Variants in SPHKAP observed in about 807,000 individuals in gnomAD.
SPHKAP encodes A-kinase anchor protein SPHKAP.
In SPHKAP, 67 loss-of-function variants were observed where a neutral mutation model predicts 137.5. That is an observed-to-expected ratio of 0.49 (90% CI 0.40 to 0.60). The LOEUF (loss-of-function observed/expected upper bound fraction) is 0.60, where lower values mean the gene tolerates loss of function less well. SPHKAP is among the 20% of genes least tolerant of loss of function. SPHKAP has a pLI of 0.00. For missense variants in SPHKAP, 2,097 were observed against 2,069.3 expected, an observed-to-expected ratio of 1.01 and a Z score of -0.26; for synonymous variants, 813 against 785.3, an observed-to-expected ratio of 1.04 and a Z score of -0.59.
At chr2:228,168,969 A>G (rs952502777) in intron 1 of SPHKAP, among the ~76,000 whole-genome samples, 1 of 152,220 alleles carries the variant, frequency 6.6e-6, no homozygotes, top group African/African-American at 2.4e-5. Flanking sequence ...TTCTGGACAT[A>G]CAATCAAGCC....
chr2:228,026,372 G>A (rs1695035383), intron 4 of SPHKAP, among the ~76,000 whole-genome samples: 1 of 152,128 alleles, frequency 6.6e-6, no homozygotes, highest in Non-Finnish European at 1.5e-5. Context: ...CTATGCTAGA[G>A]CCTGTATATA....
chr2:228,152,701 G>C (rs1699972573), intron 1 of SPHKAP, among the ~76,000 whole-genome samples: 1 of 146,074 alleles, frequency 6.8e-6, no homozygotes, highest in South Asian at 2.2e-4. Context: ...TTTTGGCCTA[G>C]TGTGGAAGTT....
chr2:228,026,828 C>A (rs2106229294), intron 4 of SPHKAP, among the ~76,000 whole-genome samples: 1 of 152,308 alleles, frequency 6.6e-6, no homozygotes, highest in Non-Finnish European at 1.5e-5. Flanking sequence ...CGAGTAATTG[C>A]AGGTCTACTG....
chr2:228,130,677 T>C (rs1699221813), intron 2 of SPHKAP, among the ~76,000 whole-genome samples: 1 of 152,186 alleles, frequency 6.6e-6, no homozygotes, highest in Non-Finnish European at 1.5e-5. Flanking sequence ...CATTTATAAT[T>C]TGGAGTTATA....
Position 228,018,553 on chromosome 2 carries a change from T to A in SPHKAP, c.2301A>T (p.Glu767Asp), listed in dbSNP as rs1368336801. Residue 767 changes from glutamate to aspartate, a missense_variant, in exon 7 of 12, where the codon GAA becomes GAT. Coordinates refer to ENST00000392056, the MANE Select transcript of SPHKAP (RefSeq NM_001142644.2). ...GASQAWTKAT[E>D]SSSSSPLSNS... The stretch of plus-strand genomic sequence containing the variant: ...TGCTAAGTGGAGAGCTGCTGGAGGA[T>A]TCAGTGGCTTTTGTCCAAGCTTGAC... 1 of 1,613,800 alleles carries A rather than the reference T, an allele frequency of 6.2e-7. No individual in the cohort carries two copies.
At chr2:228,046,663 T>G (rs1696069090) in intron 3 of SPHKAP, among the ~76,000 whole-genome samples, 1 of 152,202 alleles carries the variant, frequency 6.6e-6, no homozygotes, top group African/African-American at 2.4e-5. Context: ...AAGCACTCAT[T>G]AATCTGGCTT....
At chr2:228,047,481 A>C (rs1409415620) in intron 3 of SPHKAP, among the ~76,000 whole-genome samples, 1 of 151,968 alleles carries the variant, frequency 6.6e-6, no homozygotes, top group Non-Finnish European at 1.5e-5. Flanking sequence ...AAAAAAAAAA[A>C]ACAAAAAACA....
At chr2:228,105,642 C>A (rs1419366882) in intron 3 of SPHKAP, among the ~76,000 whole-genome samples, 1 of 151,994 alleles carries the variant, frequency 6.6e-6, no homozygotes, top group Non-Finnish European at 1.5e-5. Flanking sequence ...TGAGAGGGAC[C>A]CAGTGGGAGA....
chr2:228,178,769 G>A (rs920279549), intron 1 of SPHKAP, among the ~76,000 whole-genome samples: 9 of 151,802 alleles, frequency 5.9e-5, no homozygotes, highest in Admixed American at 1.3e-4. Flanking sequence ...CCTTATGGAC[G>A]ATATCTTCCA....
At chr2:228,134,871 C>T (rs1188185164) in intron 1 of SPHKAP, among the ~76,000 whole-genome samples, 1 of 152,138 alleles carries the variant, frequency 6.6e-6, no homozygotes, top group Admixed American at 6.5e-5. Context: ...AAGACATCTC[C>T]CATGACTTTT....
chr2:228,025,629 C>T (rs547156430), intron 4 of SPHKAP, 101 bp from the exon 5 acceptor site: 3 of 1,319,412 alleles, frequency 2.3e-6, no homozygotes, highest in Admixed American at 2.5e-5. Flanking sequence ...ACTGCTCATA[C>T]ATATAGACTG....
intron 3 of SPHKAP, among the ~76,000 whole-genome samples, chr2:228,096,998 A>G (rs1160039032): frequency 6.6e-6 from 1 of 152,190 alleles, no homozygotes; most frequent in Admixed American, 6.5e-5. Context: ...TTTTTAAGCT[A>G]TCACTTCTAA....
At chr2:228,140,731 C>T (rs752220186) in intron 1 of SPHKAP, among the ~76,000 whole-genome samples, 15 of 151,970 alleles carry the variant, frequency 9.9e-5, no homozygotes, top group Non-Finnish European at 1.2e-4. Flanking sequence ...GGCTTAGCAC[C>T]GTCTCCTTGG....
chr2:228,097,941 G>C (rs563122365), intron 3 of SPHKAP, among the ~76,000 whole-genome samples: 3 of 152,288 alleles, frequency 2.0e-5, no homozygotes, highest in African/African-American at 7.2e-5. Context: ...CTGTGATGAA[G>C]AGACGAGTAC....
chr2:228,062,438 C>T (rs1021648457), intron 3 of SPHKAP, among the ~76,000 whole-genome samples: 1 of 152,060 alleles, frequency 6.6e-6, no homozygotes, highest in African/African-American at 2.4e-5. Context: ...CTCCCCAGAC[C>T]TCTTTAATGT....
intron 2 of SPHKAP, among the ~76,000 whole-genome samples, chr2:228,122,918 A>G (rs193288140): frequency 1.9e-4 from 29 of 152,164 alleles, no homozygotes; most frequent in Admixed American, 5.2e-4. Flanking sequence ...CCCCTTCCCA[A>G]TGGTCTCAGA....
At chr2:228,167,876 A>G (rs548290120) in intron 1 of SPHKAP, among the ~76,000 whole-genome samples, 1 of 152,250 alleles carries the variant, frequency 6.6e-6, no homozygotes, top group Admixed American at 6.5e-5. Context: ...TTTCTACTGT[A>G]TGATTTAATT....
Position 228,018,120 on chromosome 2 carries a change from C to G in SPHKAP, c.2734G>C (p.Ala912Pro), listed in dbSNP as rs770613357. The part of the protein sequence containing the change: ...SLLGDDLLLP[A>P]QSTLQTKHPD... ...TGCTTTGTTTGAAGCGTGGATTGAG[C>G]AGGAAGCAGCAGGTCATCCCCTAAC... The change falls in exon 7 of 12, where the codon GCT (alanine) becomes CCT (proline). Residue 912 changes from alanine (A) to proline (P), a missense_variant. Physicochemically the swap from Ala to Pro is conservative, Grantham distance 27. Transcript: ENST00000392056. 6.2e-7 allele frequency: 1 copy of G among 1,614,162 alleles called. No homozygotes were observed. Among genetic ancestry groups the G allele is most frequent in the South Asian group, 1.1e-5 (1 of 91,074 alleles).
Position 227,989,731 on chromosome 2 carries a change from G to A in SPHKAP, c.4959+1269C>T, listed in dbSNP as rs181373839. ...AGCGATTCTCCTGTCTCAGCCTCCC[G>A]AGTAGCCAGGATTACAGGTGCCTGC... On this transcript the variant is annotated intron_variant, in intron 11 of 11. Coordinates refer to ENST00000392056, the MANE Select transcript of SPHKAP (RefSeq NM_001142644.2). Among the ~76,000 whole-genome samples, 597 of 151,264 alleles carry A rather than the reference G, an allele frequency of 3.9e-3. 4 individuals are homozygous for A. Among genetic ancestry groups the A allele is most frequent in the African/African-American group, 0.014 (558 of 41,208 alleles).
Sources: allele counts gnomAD v4.1 joint callset (sites outside exome capture counted in the v4.1 genomes callset), GRCh38; gene constraint gnomAD v4.1.1; transcripts MANE v1.5; gene names NCBI Gene and HGNC (gene_info 2026-07-23, HGNC 2026-07-21).